NRXN3: variants seen among roughly 807,000 people sequenced by gnomAD.
NRXN3 encodes neurexin 3, also known as neurexin III.
Under a neutral mutation model 137.6 loss-of-function variants are expected in NRXN3, and 32 were observed. The observed-to-expected ratio is 0.23, with a 90% CI of 0.18 to 0.31. The LOEUF (loss-of-function observed/expected upper bound fraction) is 0.31, where lower values mean the gene tolerates loss of function less well. Among genes scored for constraint, NRXN3 ranks in the 10% least tolerant of loss-of-function variants. The pLI is 1.00. For synonymous variants in NRXN3, 798 were observed against 784.5 expected (o/e 1.02, Z -0.29); for missense variants, 1,574 against 2,062.5 (o/e 0.76, Z 4.59).
intron 15 of NRXN3, among the ~76,000 whole-genome samples, chr14:79,049,246 A>G (rs1423286583): frequency 1.3e-5 from 2 of 151,864 alleles, no homozygotes; most frequent in African/African-American, 2.4e-5. Context: ...TTCATCAACT[A>G]ACTTTATATA....
intron 19 of NRXN3, among the ~76,000 whole-genome samples, chr14:79,776,132 AC>A (rs1350479952): frequency 6.6e-6 from 1 of 152,182 alleles, no homozygotes; most frequent in Non-Finnish European, 1.5e-5. Context: ...CCACATTTCC[AC>A]TACAGCTTTC....
At chr14:79,033,359 A>G (rs2099610875) in intron 15 of NRXN3, among the ~76,000 whole-genome samples, 1 of 152,118 alleles carries the variant, frequency 6.6e-6, no homozygotes, top group Non-Finnish European at 1.5e-5. Context: ...TACCTGGTTC[A>G]TTCTCTGCAG....
At chr14:78,571,273 G>C (rs971508906) in intron 4 of NRXN3, among the ~76,000 whole-genome samples, 1 of 152,178 alleles carries the variant, frequency 6.6e-6, no homozygotes, top group African/African-American at 2.4e-5. Flanking sequence ...GACTCAAGGT[G>C]GGGTGACTAG....
At chr14:78,174,380 A>G (rs1595568151) in intron 1 of NRXN3, among the ~76,000 whole-genome samples, 1 of 152,258 alleles carries the variant, frequency 6.6e-6, no homozygotes, top group Non-Finnish European at 1.5e-5. Flanking sequence ...AGGGCACTGC[A>G]GAATATCCCA....
intron 4 of NRXN3, among the ~76,000 whole-genome samples, chr14:78,613,639 G>A (rs905806616): frequency 6.9e-6 from 1 of 145,026 alleles, no homozygotes. Flanking sequence ...AGAGGACTTA[G>A]GGTCTAGTTT....
intron 15 of NRXN3, among the ~76,000 whole-genome samples, chr14:79,182,253 A>G (rs2063008241): frequency 6.6e-6 from 1 of 151,486 alleles, no homozygotes; most frequent in East Asian, 1.9e-4. Context: ...GGGTTGGGGG[A>G]TGGTTTGGGG....
chr14:79,812,389 G>T (rs1233822217), intron 20 of NRXN3, among the ~76,000 whole-genome samples: 1 of 152,076 alleles, frequency 6.6e-6, no homozygotes, highest in Non-Finnish European at 1.5e-5. Context: ...TATAATAAGA[G>T]GAATAAAAGG....
At chr14:78,329,573 G>C (rs192787964) in intron 4 of NRXN3, among the ~76,000 whole-genome samples, 1 of 152,042 alleles carries the variant, frequency 6.6e-6, no homozygotes, top group African/African-American at 2.4e-5. Flanking sequence ...AGAGCTTTGC[G>C]CTAATGGACT....
intron 3 of NRXN3, among the ~76,000 whole-genome samples, chr14:78,286,389 G>T (rs559034160): frequency 6.6e-6 from 1 of 152,016 alleles, no homozygotes; most frequent in East Asian, 1.9e-4. Context: ...TGTCCAGGAG[G>T]GGGAAATGAG....
chr14:79,259,990 G>T (rs950476987), intron 15 of NRXN3, among the ~76,000 whole-genome samples: 1 of 152,112 alleles, frequency 6.6e-6, no homozygotes, highest in Non-Finnish European at 1.5e-5. Flanking sequence ...TCACTCAGTT[G>T]TGCCAGAGCA....
chr14:79,305,040 G>A (rs1025804072), intron 15 of NRXN3, among the ~76,000 whole-genome samples: 1 of 152,060 alleles, frequency 6.6e-6, no homozygotes, highest in East Asian at 1.9e-4. Context: ...CACTGTCTGT[G>A]ATTGACTTCT....
intron 2 of NRXN3, among the ~76,000 whole-genome samples, chr14:78,257,044 C>T (rs962290075): frequency 6.6e-6 from 1 of 152,198 alleles, no homozygotes; most frequent in Non-Finnish European, 1.5e-5. Flanking sequence ...CTTGATTGAC[C>T]TGCCAGGTGG....
Position 79,259,073 on chromosome 14 carries a change from G to T in NRXN3, c.3263-208148G>T, listed in dbSNP as rs79572987. On this transcript the variant is annotated intron_variant, in intron 15 of 20. Transcript: ENST00000335750. Reference sequence around the variant, plus strand: ...CTGGAATCTTCTGCAGGCATCCCAGGTTGAGACACTTGCAAAAAAAAGATA... The same window carrying T: ...CTGGAATCTTCTGCAGGCATCCCAGTTTGAGACACTTGCAAAAAAAAGATA... Among the ~76,000 whole-genome samples the T allele has an allele frequency of 7.7e-3, 1,165 of 152,132 alleles. 24 individuals are homozygous for T. In the South Asian group the frequency reaches 0.08, roughly 10 times the overall value.
At chr14:79,499,408 A>G (rs1230827838) in intron 16 of NRXN3, among the ~76,000 whole-genome samples, 1 of 152,078 alleles carries the variant, frequency 6.6e-6, no homozygotes, top group African/African-American at 2.4e-5. Context: ...TACCTCCTCA[A>G]AATGATCTTT....
intron 4 of NRXN3, among the ~76,000 whole-genome samples, chr14:78,577,709 C>G (rs2096951196): frequency 6.6e-6 from 1 of 152,184 alleles, no homozygotes; most frequent in Non-Finnish European, 1.5e-5. Flanking sequence ...AGGTGATCCA[C>G]CCGCCTCGGC....
rs2096022313 is a variant in NRXN3, at chr14:79,444,500, A to G, written c.3263-22721A>G. ...ACAGACAAAATAGAAGGAAGCCACT[A>G]CCGTCCTTTCCAGTGCATCAGATGA... On this transcript the variant is annotated intron_variant, in intron 15 of 20. Coordinates refer to ENST00000335750, the MANE Select transcript of NRXN3 (RefSeq NM_001330195.2). Among the ~76,000 whole-genome samples, 3 of 152,232 alleles carry G rather than the reference A, an allele frequency of 2.0e-5. No individual in the cohort carries two copies. The South Asian group carries it at 6.2e-4, about 32-fold the overall frequency.
In NRXN3 at chr14:78,890,090, C is replaced by G. The variant is rs528258661; in HGVS notation, c.2276-67152C>G. On this transcript the variant is annotated intron_variant, in intron 10 of 20. Coordinates refer to ENST00000335750, the MANE Select transcript of NRXN3 (RefSeq NM_001330195.2). ...CTAAAGCCTTCAGAAGGAGTGTGACCCTGTCAGCATTTGGATCTCCGACTC... is the reference window on the plus strand; with the variant it reads ...CTAAAGCCTTCAGAAGGAGTGTGACGCTGTCAGCATTTGGATCTCCGACTC... 2.0e-5 allele frequency among the ~76,000 whole-genome samples: 3 copies of G among 151,780 alleles called. No individual in the cohort carries two copies. In the South Asian group the frequency reaches 6.2e-4, roughly 32 times the overall value.
chr14:79,732,957 GATATTA>G (rs1248230669), intron 19 of NRXN3, among the ~76,000 whole-genome samples: 2 of 152,026 alleles, frequency 1.3e-5, no homozygotes, highest in African/African-American at 2.4e-5. Context: ...TTTATATTTT[GATATTA>G]ATATTAATAT....
At chr14:79,067,701 A>G (rs961091971) in intron 15 of NRXN3, among the ~76,000 whole-genome samples, 1 of 151,896 alleles carries the variant, frequency 6.6e-6, no homozygotes, top group African/African-American at 2.4e-5. Context: ...TCTTATAAGG[A>G]AGGCAATCAT....
Sources: gnomAD v4.1 joint callset for allele counts (sites outside exome capture counted in the v4.1 genomes callset) on GRCh38, gnomAD v4.1.1 for gene constraint, MANE v1.5 for transcripts, NCBI Gene and HGNC (gene_info 2026-07-23, HGNC 2026-07-21) for gene names.